EMX1: variants seen among roughly 807,000 people sequenced by gnomAD.
The protein encoded by EMX1 is empty spiracles homeobox 1.
A neutral mutation model predicts 20.1 loss-of-function variants in EMX1; 10 were observed. The ratio of observed to expected loss-of-function variants is 0.50; its 90% confidence interval spans 0.31 to 0.84. The LOEUF (loss-of-function observed/expected upper bound fraction) is 0.84. Among genes scored for constraint, EMX1 ranks in the 40% least tolerant of loss-of-function variants. The pLI, the probability that EMX1 is intolerant of heterozygous loss-of-function variation, is 0.05. For missense variants in EMX1, 424 were observed against 431.9 expected (o/e 0.98, Z 0.16); for synonymous variants, 250 against 200.4 (o/e 1.25, Z -2.09).
At chr2:72,923,912 C>T (rs1420141690) in intron 1 of EMX1, 3 of 308,048 alleles carry the variant, frequency 9.7e-6, no homozygotes, top group Admixed American at 9.1e-5. Context: ...GCGGCCAGGG[C>T]AGCGCCCCTG....
chr2:72,926,870 C>T (rs578219847), intron 2 of EMX1, among the ~76,000 whole-genome samples: 1 of 152,122 alleles, frequency 6.6e-6, no homozygotes, highest in Non-Finnish European at 1.5e-5. Flanking sequence ...ACTTATCATA[C>T]GGAGCCAGGC....
upstream of EMX1, chr2:72,916,431 C>A: frequency 3.6e-6 from 2 of 549,306 alleles, no homozygotes; most frequent in Non-Finnish European, 6.5e-6. Flanking sequence ...GTCCCAGCCT[C>A]CCCACCGCCG....
intron 2 of EMX1, among the ~76,000 whole-genome samples, chr2:72,925,241 C>T (rs1422162466): frequency 6.6e-6 from 1 of 152,238 alleles, no homozygotes; most frequent in African/African-American, 2.4e-5. Context: ...AAGGAATAAA[C>T]TCCAACGGCG....
intron 2 of EMX1, among the ~76,000 whole-genome samples, chr2:72,931,695 C>T (rs1671288136): frequency 6.6e-6 from 1 of 152,250 alleles, no homozygotes; most frequent in African/African-American, 2.4e-5. Context: ...GTGAGATGTG[C>T]AGGCTATGGG....
At chr2:72,918,533 C>A (rs370042430) in intron 1 of EMX1, among the ~76,000 whole-genome samples, 161 bp downstream of exon 1, 1 of 152,260 alleles carries the variant, frequency 6.6e-6, no homozygotes, top group Non-Finnish European at 1.5e-5. Flanking sequence ...TGTGCGGCAT[C>A]CACCCGCGCC....
In EMX1 at chr2:72,924,388, G is replaced by A. The variant is rs1449415399; in HGVS notation, c.600G>A (p.Ser200=). ...RKPKRIRTAF[S]PSQLLRLERA... is the part of the protein sequence containing the mutation. Reference sequence around the variant, plus strand: ...CCAAGCGGATCCGCACGGCCTTCTCGCCCTCGCAGCTGCTGCGGCTGGAGC... The same window carrying A: ...CCAAGCGGATCCGCACGGCCTTCTCACCCTCGCAGCTGCTGCGGCTGGAGC... Residue 200 remains serine, a synonymous_variant, in exon 2 of 3, where the codon TCG becomes TCA. Coordinates refer to ENST00000258106, the MANE Select transcript of EMX1 (RefSeq NM_004097.3). The A allele has an allele frequency of 6.3e-7, 1 of 1,594,870 alleles. No homozygotes were observed.
At position 72,917,646 on chromosome 2, in the gene EMX1, A is replaced by G. The variant is rs1670990956; in HGVS notation, c.-207A>G. 2 of 275,352 alleles carry G rather than the reference A, an allele frequency of 7.3e-6. No homozygotes were observed. The highest frequency in any genetic ancestry group is 2.3e-5 in the African/African-American group (1 of 44,420). The allele number at this position is 275,352 out of a possible 1,614,324, so 17.1% of individuals were successfully genotyped here. A position where few individuals can be genotyped will look rare whatever the true frequency, so the allele number is the denominator to read the frequency against. ...AGCTCAACCCTCGGGCCTTACTGGC[A>G]GCTCGCAGCCTAGCACGGAGCCCGC... On this transcript the variant is annotated 5_prime_UTR_variant, in exon 1 of 3. Transcript: ENST00000258106.
At position 72,930,980 on chromosome 2, in the gene EMX1, C is replaced by T. The variant is rs560662270; in HGVS notation, c.706-2807C>T. Among the ~76,000 whole-genome samples, 6 of 152,220 alleles carry T rather than the reference C, an allele frequency of 3.9e-5. No homozygotes were observed. In the South Asian group the frequency reaches 8.3e-4, roughly 21 times the overall value. On this transcript the variant is annotated intron_variant, in intron 2 of 2. Coordinates refer to ENST00000258106, the MANE Select transcript of EMX1 (RefSeq NM_004097.3). This position sits in a 1 kb window ranked among gnomAD's most constrained non-coding sequence, Gnocchi z 4.4. ...ACTGTGCCAGCCTTGTGCATCCTGG[C>T]GTTTCCATTAATGCTATGAAGTCAT... is the stretch of plus-strand genomic sequence containing the variant.
chr2:72,933,772 C>T lies in EMX1; in HGVS notation c.706-15C>T. 6.2e-7 allele frequency: 1 copy of T among 1,613,850 alleles called. No homozygotes were observed. The highest frequency in any genetic ancestry group is 8.5e-7 in the Non-Finnish European group (1 of 1,179,822). On this transcript the variant is annotated splice_polypyrimidine_tract_variant and intron_variant, in intron 2 of 2. Transcript: ENST00000258106. ...TCCTGAGTTTCTCATCTGTGCCCCTCCCTCCCTGGCCCAGGTGAAGGTGTG... is the reference window on the plus strand; with the variant it reads ...TCCTGAGTTTCTCATCTGTGCCCCTTCCTCCCTGGCCCAGGTGAAGGTGTG...
intron 1 of EMX1, 94 bp downstream of exon 1, chr2:72,918,466 A>C (rs1671037725): frequency 7.6e-7 from 1 of 1,324,396 alleles, no homozygotes; most frequent in African/African-American, 1.5e-5. Context: ...GCTGTTTAGA[A>C]GTTACTGCCG....
At position 72,918,152 on chromosome 2, in the gene EMX1, T is replaced by G; in HGVS notation, c.300T>G (p.Pro100=). The change falls in exon 1 of 3, where the codon CCT becomes CCG. Residue 100 remains proline (P), a synonymous_variant. Coordinates refer to ENST00000258106, the MANE Select transcript of EMX1 (RefSeq NM_004097.3). ...AGGCGGCCTTCGTGAGTGGCTTCCCTGCCGCGGCCGCCGCGGGCGCGGGCC... is the reference window on the plus strand; with the variant it reads ...AGGCGGCCTTCGTGAGTGGCTTCCCGGCCGCGGCCGCCGCGGGCGCGGGCC... ...AAEAAFVSGF[P]AAAAAGAGRS... is the part of the protein sequence containing the mutation. The G allele has an allele frequency of 1.3e-6, 2 of 1,500,040 alleles. No individual in the cohort carries two copies. Among genetic ancestry groups the G allele is most frequent in the Non-Finnish European group, 1.8e-6 (2 of 1,138,380 alleles). 92.9% of individuals were successfully genotyped at this position (1,500,040 alleles called of 1,614,324 possible). A position where few individuals can be genotyped will look rare whatever the true frequency, so the allele number is the denominator to read the frequency against.
upstream of EMX1, chr2:72,916,206 C>G (rs1220473766): frequency 6.2e-6 from 1 of 161,778 alleles, no homozygotes; most frequent in Non-Finnish European, 1.3e-5. Context: ...CTCCAAACCA[C>G]GGCTCCCGGC....
chr2:72,934,271 T>G lies in EMX1; in HGVS notation c.*317T>G. 1 of 310,086 alleles carries G rather than the reference T, an allele frequency of 3.2e-6. No individual in the cohort carries two copies. Among genetic ancestry groups the G allele is most frequent in the Non-Finnish European group, 6.0e-6 (1 of 165,882 alleles). The allele number at this position is 310,086 out of a possible 1,614,324, so 19.2% of individuals were successfully genotyped here. On this transcript the variant is annotated 3_prime_UTR_variant, in exon 3 of 3. Coordinates refer to ENST00000258106, the MANE Select transcript of EMX1 (RefSeq NM_004097.3). The stretch of plus-strand genomic sequence containing the variant: ...TGATGCATTTCTGTTTTAATTTATT[T>G]TCCAGGCACCACTGTAGTTTAGTGA...
rs1464482349 is a variant in EMX1, at chr2:72,918,197, C to G, written c.345C>G (p.Pro115=). 1.9e-6 allele frequency: 3 copies of G among 1,557,976 alleles called. No individual in the cohort carries two copies. The highest frequency in any genetic ancestry group is 5.0e-5 in the East Asian group (2 of 39,856). The change falls in exon 1 of 3, where the codon CCC becomes CCG. Residue 115 remains proline (P), a synonymous_variant. Coordinates refer to ENST00000258106, the MANE Select transcript of EMX1 (RefSeq NM_004097.3). The part of the protein sequence containing the change: ...AGAGRSLYGG[P]ELVFPEAMNH... ...CGGGCCGCTCGCTCTACGGTGGGCCCGAGCTCGTGTTCCCCGAGGCCATGA... is the reference window on the plus strand; with the variant it reads ...CGGGCCGCTCGCTCTACGGTGGGCCGGAGCTCGTGTTCCCCGAGGCCATGA...
upstream of EMX1, chr2:72,916,822 C>T: frequency 2.8e-6 from 2 of 717,244 alleles, no homozygotes; most frequent in South Asian, 1.5e-5. Flanking sequence ...CGAGGCCCGC[C>T]GTCCTGGTCC....
intron 1 of EMX1, among the ~76,000 whole-genome samples, chr2:72,920,194 G>T (rs1671075631): frequency 6.6e-6 from 1 of 152,338 alleles, no homozygotes; most frequent in East Asian, 1.9e-4. Context: ...GGGGGCGCCT[G>T]GAGAGAAATC....
chr2:72,917,286 G>T (rs894930702), upstream of EMX1, among the ~76,000 whole-genome samples: 1 of 39,320 alleles, frequency 2.5e-5, no homozygotes, highest in African/African-American at 1.2e-4. Flanking sequence ...GCTCCCGCGT[G>T]GGTTGAGACG....
At chr2:72,916,669 G>C (rs1265143557), upstream of EMX1, 10 of 715,276 alleles carry the variant, frequency 1.4e-5, no homozygotes, top group East Asian at 2.1e-4. Flanking sequence ...CTGACGGCTG[G>C]CGTGTTCTCT....
chr2:72,925,474 G>T (rs1307560322), intron 2 of EMX1: 2 of 1,288,976 alleles, frequency 1.6e-6, no homozygotes, highest in Admixed American at 4.6e-5. Flanking sequence ...GCGACCCTCA[G>T]CCTAGCTGCT....
Sources: gnomAD v4.1 joint callset for allele counts (sites outside exome capture counted in the v4.1 genomes callset) on GRCh38, gnomAD v4.1.1 for gene constraint, Gnocchi (gnomAD v3.1) non-coding constraint, MANE v1.5 for transcripts, NCBI Gene and HGNC (gene_info 2026-07-23, HGNC 2026-07-21) for gene names.